The following PIAS1 variants were observed in gnomAD, a reference collection of about 807,000 sequenced individuals.
PIAS1 encodes the protein protein inhibitor of activated STAT 1, also known as E3 SUMO-protein ligase PIAS1.
Under a neutral mutation model 71.3 loss-of-function variants are expected in PIAS1, and 6 were observed. The ratio of observed to expected loss-of-function variants is 0.08; its 90% CI spans 0.05 to 0.17. The LOEUF (loss-of-function observed/expected upper bound fraction) is 0.17, where lower values mean the gene tolerates loss of function less well. PIAS1 is among the 10% of genes least tolerant of loss of function. PIAS1 has a pLI of 1.00. For missense variants in PIAS1, 555 were observed against 793.6 expected (o/e 0.70, Z 3.61); for synonymous variants, 303 against 292.9 (o/e 1.03, Z -0.35).
At chr15:68,128,230 A>G (rs978915126) in intron 2 of PIAS1, among the ~76,000 whole-genome samples, 3 of 152,184 alleles carry the variant, frequency 2.0e-5, no homozygotes, top group Admixed American at 1.3e-4. Flanking sequence ...CAGTGGCCCA[A>G]TCACAGCTCA....
chr15:68,166,350 T>C (rs1018932341), intron 8 of PIAS1, among the ~76,000 whole-genome samples: 1 of 151,926 alleles, frequency 6.6e-6, no homozygotes, highest in Admixed American at 6.5e-5. Context: ...TTTGTTTTTT[T>C]ATTTTTTTTT....
intron 1 of PIAS1, among the ~76,000 whole-genome samples, chr15:68,072,641 C>G (rs28542378): frequency 0.011 from 1,740 of 152,182 alleles, 30 homozygotes; most frequent in African/African-American, 0.04. Context: ...CAAGTCTTTT[C>G]AAATCTTCTT....
At chr15:68,067,035 T>C (rs1018719340) in intron 1 of PIAS1, among the ~76,000 whole-genome samples, 3 of 152,184 alleles carry the variant, frequency 2.0e-5, no homozygotes, top group Non-Finnish European at 4.4e-5. Context: ...GATAAAGGTG[T>C]CCCACTTATG....
At position 68,179,564 on chromosome 15, in the gene PIAS1, C is replaced by CTTTTTTTTTTTTTTTTTTTT. The variant is rs766344324; in HGVS notation, c.1482-1639_1482-1620dup. ...CAACCTTGTCATCTCGTGAAATGTT[C>CTTTTTTTTTTTTTTTTTTTT]TTTTTTTTTTTTTTTTTTTTTTTTT... On this transcript the variant is annotated intron_variant, in intron 11 of 13. Transcript: ENST00000249636. Among the ~76,000 whole-genome samples, 123 of 40,092 alleles carry CTTTTTTTTTTTTTTTTTTTT rather than the reference C, an allele frequency of 3.1e-3. 42 individuals carry two copies. The highest frequency in any genetic ancestry group is 6.0e-3 in the East Asian group (6 of 998). 26.3% of individuals were successfully genotyped at this position (40,092 alleles called of 152,430 possible).
At position 68,054,574 on chromosome 15, in the gene PIAS1, T is replaced by A; in HGVS notation, c.24+224T>A. On this transcript the variant is annotated intron_variant, in intron 1 of 13. Coordinates refer to ENST00000249636, the MANE Select transcript of PIAS1 (RefSeq NM_016166.3). The surrounding 1 kb of genome is among the most constrained non-coding windows in gnomAD (Gnocchi z 4.6). ...CGCTGACGGGTCGTCCCCGGCGTGT[T>A]ATTGTTGTGGGCGCCTCTGGCGGGG... 2.1e-6 allele frequency: 1 copy of A among 469,116 alleles called. No homozygotes were observed. Among genetic ancestry groups the A allele is most frequent in the Non-Finnish European group, 3.8e-6 (1 of 265,284 alleles). 29.1% of individuals were successfully genotyped at this position (469,116 alleles called of 1,614,324 possible).
Position 68,181,269 on chromosome 15 carries a change from T to C in PIAS1, c.1539T>C (p.Ala513=). 1 of 1,613,698 alleles carries C rather than the reference T, an allele frequency of 6.2e-7. No homozygotes were observed. The highest frequency in any genetic ancestry group is 8.5e-7 in the Non-Finnish European group (1 of 1,179,636). ...TATCCCGCACCCCAAGCCTTCCTGC[T>C]GTAGACACAAGCTACATTAATACCT... The part of the protein sequence containing the change: ...SPVSRTPSLP[A]VDTSYINTSL... The change falls in exon 12 of 14, where the codon GCT becomes GCC. Residue 513 remains alanine, a synonymous_variant. Coordinates refer to ENST00000249636, the MANE Select transcript of PIAS1 (RefSeq NM_016166.3).
At chr15:68,143,553 A>T (rs925132308) in intron 4 of PIAS1, among the ~76,000 whole-genome samples, 1 of 152,130 alleles carries the variant, frequency 6.6e-6, no homozygotes, top group South Asian at 2.1e-4. Context: ...GGCACTGCTA[A>T]AGATGATTCT....
intron 8 of PIAS1, among the ~76,000 whole-genome samples, chr15:68,172,044 C>T (rs561972134): frequency 6.6e-6 from 1 of 152,032 alleles, no homozygotes; most frequent in East Asian, 1.9e-4. Context: ...GGTATTTTTC[C>T]TAATGCTATC....
At chr15:68,079,862 C>T (rs927464730) in intron 1 of PIAS1, among the ~76,000 whole-genome samples, 10 of 151,660 alleles carry the variant, frequency 6.6e-5, no homozygotes, top group South Asian at 2.1e-4. Context: ...GACAGAGTTT[C>T]GCTGTTGTTG....
chr15:68,069,435 A>T (rs2092067891), intron 1 of PIAS1, among the ~76,000 whole-genome samples: 1 of 152,116 alleles, frequency 6.6e-6, no homozygotes, highest in South Asian at 2.1e-4. Flanking sequence ...ATGAGTGCTG[A>T]TTTATATGCC....
At chr15:68,055,581 C>T (rs1231483708) in intron 1 of PIAS1, among the ~76,000 whole-genome samples, 1 of 152,152 alleles carries the variant, frequency 6.6e-6, no homozygotes, top group Admixed American at 6.5e-5. Context: ...CAGTTCTTAA[C>T]TAACGCGTAT....
chr15:68,157,719 G>C (rs2141069013), intron 7 of PIAS1, among the ~76,000 whole-genome samples: 1 of 152,066 alleles, frequency 6.6e-6, no homozygotes, highest in African/African-American at 2.4e-5. Context: ...GTTTTATCTT[G>C]GGTGCACTTT....
intron 2 of PIAS1, among the ~76,000 whole-genome samples, chr15:68,113,016 AG>A (rs1268030195): frequency 6.6e-6 from 1 of 152,198 alleles, no homozygotes; most frequent in East Asian, 1.9e-4. Context: ...TAGAATACCA[AG>A]TAGCTACTTA....
intron 1 of PIAS1, among the ~76,000 whole-genome samples, chr15:68,059,523 A>G (rs1336117831): frequency 6.6e-6 from 1 of 151,720 alleles, no homozygotes; most frequent in Non-Finnish European, 1.5e-5. Context: ...CAGCCTGACC[A>G]AGATAGTGAA....
In PIAS1 at chr15:68,173,682, A is replaced by G. The variant is rs751928285; in HGVS notation, c.1009-50A>G. 1 of 1,371,908 alleles carries G rather than the reference A, an allele frequency of 7.3e-7. No individual in the cohort carries two copies. Among genetic ancestry groups the G allele is most frequent in the Admixed American group, 2.5e-5 (1 of 40,534 alleles). The allele number at this position is 1,371,908 out of a possible 1,614,324, so 85.0% of individuals were successfully genotyped here. A position where few individuals can be genotyped will look rare whatever the true frequency, so the allele number is the denominator to read the frequency against. On this transcript the variant is annotated intron_variant, in intron 8 of 13. Coordinates refer to ENST00000249636, the MANE Select transcript of PIAS1 (RefSeq NM_016166.3). This position sits in a 1 kb window ranked among gnomAD's most constrained non-coding sequence, Gnocchi z 4.3. ...TTCTAGGAAATTTTTGTCAAAGCTT[A>G]AATGTTGAATAGCAATTATCTAATA... is the stretch of plus-strand genomic sequence containing the variant.
In PIAS1 at chr15:68,134,485, G is replaced by C. The variant is rs61244839; in HGVS notation, c.470-7461G>C. On this transcript the variant is annotated intron_variant, in intron 2 of 13. Coordinates refer to ENST00000249636, the MANE Select transcript of PIAS1 (RefSeq NM_016166.3). ...TCCCGGACGGGGCGGCTGGCCGGGC[G>C]GGGGGCTGACCCCCCCCACTGCCCT... Among the ~76,000 whole-genome samples, 2 of 49,222 alleles carry C rather than the reference G, an allele frequency of 4.1e-5. 1 individual carries two copies. Among genetic ancestry groups the C allele is most frequent in the Non-Finnish European group, 1.6e-4 (2 of 12,612 alleles). 32.3% of individuals were successfully genotyped at this position (49,222 alleles called of 152,430 possible).
chr15:68,168,823 C>T (rs1397710486), intron 8 of PIAS1, among the ~76,000 whole-genome samples: 1 of 152,178 alleles, frequency 6.6e-6, no homozygotes, highest in Non-Finnish European at 1.5e-5. Context: ...ATTTCTGTGT[C>T]AGCGTTCCTT....
chr15:68,174,121 C>T lies in PIAS1; in HGVS notation c.1169+229C>T, dbSNP rs2093007672. Among the ~76,000 whole-genome samples, 1 of 152,170 alleles carries T rather than the reference C, an allele frequency of 6.6e-6. No individual in the cohort carries two copies. Among genetic ancestry groups the T allele is most frequent in the Admixed American group, 6.5e-5 (1 of 15,280 alleles). ...AATGCGTGTGTTACTGTCAGTGCCT[C>T]CTGGCATTTGTCGTTGAAAGCACTG... is the stretch of plus-strand genomic sequence containing the variant. On this transcript the variant is annotated intron_variant, in intron 9 of 13. Coordinates refer to ENST00000249636, the MANE Select transcript of PIAS1 (RefSeq NM_016166.3). This position sits in a 1 kb window ranked among gnomAD's most constrained non-coding sequence, Gnocchi z 4.0.
chr15:68,070,785 A>G (rs2092086431), intron 1 of PIAS1, among the ~76,000 whole-genome samples: 1 of 152,180 alleles, frequency 6.6e-6, no homozygotes, highest in Admixed American at 6.5e-5. Flanking sequence ...AATTTCACCT[A>G]CTTGTAATTT....
Sources: gnomAD v4.1 joint callset for allele counts (sites outside exome capture counted in the v4.1 genomes callset) on GRCh38, gnomAD v4.1.1 for gene constraint, Gnocchi (gnomAD v3.1) non-coding constraint, MANE v1.5 for transcripts, NCBI Gene and HGNC (gene_info 2026-07-23, HGNC 2026-07-21) for gene names.